PPARGC1A: variants seen among roughly 807,000 people sequenced by gnomAD.
PPARGC1A encodes the protein peroxisome proliferator-activated receptor gamma coactivator 1-alpha.
In PPARGC1A, 25 loss-of-function variants were observed where a neutral mutation model predicts 88.7. That is an observed-to-expected ratio of 0.28 (90% confidence interval 0.21 to 0.39). PPARGC1A has a LOEUF of 0.39. PPARGC1A is among the 10% of genes least tolerant of loss of function. PPARGC1A has a pLI of 1.00. For synonymous variants in PPARGC1A, 363 were observed against 355.6 expected, an observed-to-expected ratio of 1.02 and a Z score of -0.24; for missense variants, 880 against 968.7, an observed-to-expected ratio of 0.91 and a Z score of 1.22.
chr4:24,015,755 T>C, the PPARGC1A span, among the ~76,000 whole-genome samples: 1 of 152,258 alleles, frequency 6.6e-6, no homozygotes, highest in African/African-American at 2.4e-5. Context: ...AGACAGTACA[T>C]ATGACTTGTA....
intron 1 of PPARGC1A, among the ~76,000 whole-genome samples, chr4:23,898,219 G>A (rs1718843957): frequency 6.6e-6 from 1 of 152,144 alleles, no homozygotes; most frequent in South Asian, 2.1e-4. Flanking sequence ...AGGAAAAAAG[G>A]TCATATGCCT....
chr4:24,120,621 T>G, the PPARGC1A span, among the ~76,000 whole-genome samples: 1 of 152,164 alleles, frequency 6.6e-6, no homozygotes, highest in African/African-American at 2.4e-5. Flanking sequence ...AAAATTCATA[T>G]GTTGAAACCC....
the PPARGC1A span, among the ~76,000 whole-genome samples, chr4:24,278,826 T>G: frequency 6.6e-6 from 1 of 152,186 alleles, no homozygotes; most frequent in East Asian, 1.9e-4. Flanking sequence ...GAAGTGTGTC[T>G]GCACACAGTA....
At chr4:24,119,060 T>C in the PPARGC1A span, among the ~76,000 whole-genome samples, 1 of 152,196 alleles carries the variant, frequency 6.6e-6, no homozygotes. Context: ...TATCAGGCAG[T>C]CATTGGAGAG....
At position 23,813,103 on chromosome 4, in the gene PPARGC1A, T is replaced by C. The variant is rs1031447027; in HGVS notation, c.1816A>G (p.Ser606Gly). ...SSRSCYYYES[S>G]HYRHRTHRNS... ...CGGTGCGTGCGGTGTCTGTAGTGGC[T>C]TGACTCATAGTAATAGCAGGATCTG... Residue 606 changes from serine (S) to glycine (G), a missense_variant, in exon 9 of 13, where the codon AGC (serine) becomes GGC (glycine). Coordinates refer to ENST00000264867, the MANE Select transcript of PPARGC1A (RefSeq NM_013261.5). 2.5e-6 allele frequency: 4 copies of C among 1,614,062 alleles called. No individual in the cohort carries two copies. In the Admixed American group the frequency reaches 5.0e-5, roughly 20 times the overall value.
At chr4:24,148,137 T>A in the PPARGC1A span, among the ~76,000 whole-genome samples, 4 of 152,200 alleles carry the variant, frequency 2.6e-5, no homozygotes, top group Non-Finnish European at 5.9e-5. Context: ...ATTTCCCATA[T>A]TCTATAACAT....
At chr4:24,080,044 G>A in the PPARGC1A span, among the ~76,000 whole-genome samples, 1 of 151,834 alleles carries the variant, frequency 6.6e-6, no homozygotes, top group Non-Finnish European at 1.5e-5. Context: ...TATTATTCAA[G>A]ATGAACTCTA....
the PPARGC1A span, among the ~76,000 whole-genome samples, chr4:24,038,156 C>T: frequency 1.3e-5 from 2 of 152,150 alleles, no homozygotes; most frequent in Non-Finnish European, 2.9e-5. Context: ...AAGTGGATGA[C>T]CAGGAGAATG....
At chr4:23,996,736 C>A in the PPARGC1A span, among the ~76,000 whole-genome samples, 1 of 152,342 alleles carries the variant, frequency 6.6e-6, no homozygotes, top group East Asian at 1.9e-4. Context: ...TTTAGGTATA[C>A]AATCACAACT....
the PPARGC1A span, among the ~76,000 whole-genome samples, chr4:23,953,589 G>A: frequency 3.3e-4 from 50 of 152,104 alleles, no homozygotes; most frequent in Admixed American, 1.7e-3. Context: ...TATCCCCAGG[G>A]AAGTAGCCAG....
the PPARGC1A span, among the ~76,000 whole-genome samples, chr4:23,917,626 CTG>C: frequency 6.6e-6 from 1 of 152,098 alleles, no homozygotes; most frequent in Non-Finnish European, 1.5e-5. Flanking sequence ...CCCGGCTTTT[CTG>C]TGTTTTCATC....
chr4:24,305,006 C>T, the PPARGC1A span, among the ~76,000 whole-genome samples: 1 of 152,068 alleles, frequency 6.6e-6, no homozygotes, highest in African/African-American at 2.4e-5. Flanking sequence ...GACAAAGTCC[C>T]TGCCCTCTTG....
chr4:24,265,680 C>A, the PPARGC1A span, among the ~76,000 whole-genome samples: 1 of 151,926 alleles, frequency 6.6e-6, no homozygotes, highest in Non-Finnish European at 1.5e-5. Context: ...TTTATATATG[C>A]TGCTTTCCAT....
At chr4:23,805,980 C>A (rs989531053) in intron 10 of PPARGC1A, among the ~76,000 whole-genome samples, 2 of 151,996 alleles carry the variant, frequency 1.3e-5, no homozygotes, top group African/African-American at 4.8e-5. Context: ...TATGCAACAA[C>A]GATCCCATAC....
chr4:23,934,634 A>T, the PPARGC1A span, among the ~76,000 whole-genome samples: 1 of 152,188 alleles, frequency 6.6e-6, no homozygotes, highest in African/African-American at 2.4e-5. Context: ...CAAGAGACAT[A>T]ACTACATGTG....
At chr4:24,362,839 C>T in the PPARGC1A span, among the ~76,000 whole-genome samples, 1 of 152,316 alleles carries the variant, frequency 6.6e-6, no homozygotes, top group East Asian at 1.9e-4. Context: ...TGAAAACCTT[C>T]CTTTCATGAG....
the PPARGC1A span, among the ~76,000 whole-genome samples, chr4:23,928,436 A>G: frequency 6.6e-6 from 1 of 152,160 alleles, no homozygotes; most frequent in African/African-American, 2.4e-5. Context: ...TGTTATTAAA[A>G]AGTCAGGGAA....
At chr4:24,307,358 T>G in the PPARGC1A span, among the ~76,000 whole-genome samples, 1 of 152,216 alleles carries the variant, frequency 6.6e-6, no homozygotes, top group Non-Finnish European at 1.5e-5. Flanking sequence ...AAATCTACAC[T>G]GTAATATATA....
chr4:23,813,941 G>A lies in PPARGC1A; in HGVS notation c.1542C>T (p.Ser514=), dbSNP rs529792659. 5.0e-5 allele frequency: 80 copies of A among 1,613,878 alleles called. No homozygotes were observed. Among genetic ancestry groups the A allele is most frequent in the Middle Eastern group, 1.7e-4 (1 of 6,058 alleles). The change falls in exon 8 of 13, where the codon AGC becomes AGT. Residue 514 remains serine (S), a synonymous_variant. Coordinates refer to ENST00000264867, the MANE Select transcript of PPARGC1A (RefSeq NM_013261.5). ...AGCTCAGTTTATCACTTTCATCTTC[G>A]CTGTCATCAAACAGGCCATCCATGG... ...GLAMDGLFDD[S]EDESDKLSYP... is the part of the protein sequence containing the mutation.
Sources: gnomAD v4.1 joint callset for allele counts (sites outside exome capture counted in the v4.1 genomes callset) on GRCh38, gnomAD v4.1.1 for gene constraint, MANE v1.5 for transcripts, NCBI Gene and HGNC (gene_info 2026-07-23, HGNC 2026-07-21) for gene names.